The following APOBEC3D variants were observed in gnomAD, a reference collection of about 807,000 sequenced individuals.
APOBEC3D encodes DNA dC->dU-editing enzyme APOBEC-3D.
In APOBEC3D, 37 loss-of-function variants were observed where a neutral mutation model predicts 45.6. The observed-to-expected ratio is 0.81, with a 90% CI of 0.62 to 1.07. The LOEUF is 1.07. APOBEC3D is among the 50% of genes least tolerant of loss of function. APOBEC3D has a pLI of 0.00. For missense variants in APOBEC3D, 496 were observed against 495.3 expected (o/e 1.00, Z -0.01); for synonymous variants, 175 against 180.7 (o/e 0.97, Z 0.25).
intron 5 of APOBEC3D, 49 bp downstream of exon 5, chr22:39,029,568 G>A (rs1569059706): frequency 1.9e-6 from 3 of 1,607,272 alleles, no homozygotes; most frequent in Admixed American, 3.4e-5. Flanking sequence ...AAGCAGCTGG[G>A]AACGCAGAAA....
chr22:39,029,333 T>G (rs1925976415), intron 4 of APOBEC3D, 30 bp from the exon 5 acceptor site: 1 of 1,612,972 alleles, frequency 6.2e-7, no homozygotes, highest in Non-Finnish European at 8.5e-7. Context: ...GAGGAATCTC[T>G]GCACTGGGGT....
chr22:39,031,666 C>T (rs1463091596), intron 5 of APOBEC3D, 28 bp from the exon 6 acceptor site: 2 of 1,610,536 alleles, frequency 1.2e-6, no homozygotes, highest in Non-Finnish European at 1.7e-6. Flanking sequence ...TCTGAGCTCC[C>T]CCTGCCCTCC....
chr22:39,025,509 GC>G (rs1457541634), intron 3 of APOBEC3D, 47 bp from the exon 4 acceptor site: 1 of 1,613,994 alleles, frequency 6.2e-7, no homozygotes. Context: ...GGGAGGGCAG[GC>G]CCAGGGTCAG....
rs771300402 is a variant in APOBEC3D at position 39,032,210 on chromosome 22, G to C, written c.1055G>C (p.Cys352Ser). ...GTTTTTTTCTCAGATTTTGTATCTT[G>C]TTGGAAAAACTTTGTGTACAGTGAT... ...KIMGYKDFVS[C>S]WKNFVYSDDE... is the part of the protein sequence containing the mutation. Residue 352 changes from cysteine to serine, a missense_variant, in exon 7 of 7, where the codon TGT (cysteine) becomes TCT (serine). By Grantham distance (112) the Cys-to-Ser change is moderately radical (BLOSUM62 -1). Coordinates refer to ENST00000216099, the MANE Select transcript of APOBEC3D (RefSeq NM_152426.4). The C allele has an allele frequency of 3.1e-6, 5 of 1,613,962 alleles. No individual in the cohort carries two copies. Among genetic ancestry groups the C allele is most frequent in the Non-Finnish European group, 3.4e-6 (4 of 1,179,934 alleles).
rs1225083230 is a variant in APOBEC3D, at chr22:39,022,902, C to G, written c.98C>G (p.Thr33Ser). The change falls in exon 2 of 7, where the codon ACT becomes AGT. Residue 33 changes from threonine to serine, a missense_variant. Transcript: ENST00000216099. ...CCCATCCTCTATGGTCGGAGCTACA[C>G]TTGGCTGTGCTATGAAGTGAAAATA... ...NEPILYGRSY[T>S]WLCYEVKIKR... The G allele has an allele frequency of 1.9e-6, 3 of 1,613,694 alleles. No individual in the cohort carries two copies. Among genetic ancestry groups the G allele is most frequent in the Non-Finnish European group, 2.5e-6 (3 of 1,179,998 alleles).
chr22:39,024,541 A>G (rs1487684662), intron 2 of APOBEC3D, among the ~76,000 whole-genome samples: 1 of 152,166 alleles, frequency 6.6e-6, no homozygotes, highest in Non-Finnish European at 1.5e-5. Context: ...GTGAACAGAA[A>G]TGTGTTGGCT....
At chr22:39,022,395 C>G (rs116094242) in intron 1 of APOBEC3D, among the ~76,000 whole-genome samples, 3,072 of 152,322 alleles carry the variant, frequency 0.02, 111 homozygotes, top group African/African-American at 0.069. Flanking sequence ...GAAGAGAGGC[C>G]TGGGCCTCAG....
chr22:39,028,163 C>T (rs571255555), intron 4 of APOBEC3D, among the ~76,000 whole-genome samples: 61 of 152,286 alleles, frequency 4.0e-4, no homozygotes, highest in South Asian at 2.3e-3. Context: ...AGGATGCACA[C>T]GACCCCAGAC....
At chr22:39,028,662 G>GCGC (rs1237039906) in intron 4 of APOBEC3D, among the ~76,000 whole-genome samples, 1 of 152,192 alleles carries the variant, frequency 6.6e-6, no homozygotes, top group Admixed American at 6.5e-5. Context: ...AGGGCCAGGC[G>GCGC]CGGTGGCTCA....
In APOBEC3D at chr22:39,032,230, A is replaced by G. The variant is rs1926296611; in HGVS notation, c.1075A>G (p.Ser359Gly). The G allele has an allele frequency of 6.8e-6, 11 of 1,614,142 alleles. No homozygotes were observed. Among genetic ancestry groups the G allele is most frequent in the Non-Finnish European group, 9.3e-6 (11 of 1,180,018 alleles). The change falls in exon 7 of 7, where the codon AGT becomes GGT. Residue 359 changes from serine (S) to glycine (G), a missense_variant. Transcript: ENST00000216099. ...FVSCWKNFVYSDDEPFKPWKG... is the reference protein window; with the variant it reads ...FVSCWKNFVYGDDEPFKPWKG... ...ATCTTGTTGGAAAAACTTTGTGTAC[A>G]GTGATGATGAGCCATTCAAGCCTTG...
rs5995657 is a variant in APOBEC3D at position 39,021,649 on chromosome 22, C to T, written c.17+113C>T. ...CCAGCCCCAGCCCTGGACTTCCTTC[C>T]CTCTGGCTTCCCTGCCGCCCCCACT... is the stretch of plus-strand genomic sequence containing the variant. On this transcript the variant is annotated intron_variant, in intron 1 of 6. Coordinates refer to ENST00000216099, the MANE Select transcript of APOBEC3D (RefSeq NM_152426.4). 202 of 1,461,568 alleles carry T rather than the reference C, an allele frequency of 1.4e-4. No individual in the cohort carries two copies. The African/African-American group carries it at 2.4e-3, about 17-fold the overall frequency. The allele number at this position is 1,461,568 out of a possible 1,614,324, so 90.5% of individuals were successfully genotyped here. A position where few individuals can be genotyped will look rare whatever the true frequency, so the allele number is the denominator to read the frequency against.
intron 5 of APOBEC3D, among the ~76,000 whole-genome samples, chr22:39,031,219 C>T (rs1926183238): frequency 6.6e-6 from 1 of 151,850 alleles, no homozygotes; most frequent in South Asian, 2.1e-4. Flanking sequence ...ATAAGGGAAA[C>T]TCAATGAATA....
At chr22:39,027,446 G>A (rs1338159779) in intron 4 of APOBEC3D, among the ~76,000 whole-genome samples, 3 of 152,160 alleles carry the variant, frequency 2.0e-5, no homozygotes, top group African/African-American at 4.8e-5. Flanking sequence ...GGATCCAGGG[G>A]TCCCTCCGGA....
intron 1 of APOBEC3D, 84 bp downstream of exon 1, chr22:39,021,620 TGCCCCA>T: frequency 5.1e-6 from 8 of 1,566,910 alleles, no homozygotes; most frequent in Non-Finnish European, 7.0e-6. Flanking sequence ...GGCCTCCCCC[TGCCCCA>T]GCCCCAGCCC....
rs952092801 is a variant in APOBEC3D at position 39,026,614 on chromosome 22, C to T, written c.605+943C>T. Among the ~76,000 whole-genome samples the T allele has an allele frequency of 3.3e-5, 5 of 152,216 alleles. No homozygotes were observed. The South Asian group carries it at 8.3e-4, about 25-fold the overall frequency. ...GACTCCCACAGCCCCTCCCTCCAGA[C>T]CATGGCTTCCCCACCTAACAGCACC... On this transcript the variant is annotated intron_variant, in intron 4 of 6. Transcript: ENST00000216099.
rs766254846 is a variant in APOBEC3D at position 39,032,347 on chromosome 22, T to C, written c.*31T>C. 6 of 1,611,312 alleles carry C rather than the reference T, an allele frequency of 3.7e-6. No homozygotes were observed. The highest frequency in any genetic ancestry group is 2.7e-5 in the African/African-American group (2 of 74,824). On this transcript the variant is annotated 3_prime_UTR_variant, in exon 7 of 7. Transcript: ENST00000216099. ...CTCCCTGGGCCTCATGGTCTGTCTC[T>C]TCTAGCCTCCTGCTCATGCTGCACG... is the stretch of plus-strand genomic sequence containing the variant.
intron 3 of APOBEC3D, 34 bp from the exon 4 acceptor site, chr22:39,025,523 G>A (rs755602956): frequency 1.6e-5 from 26 of 1,613,994 alleles, no homozygotes; most frequent in East Asian, 2.2e-5. Context: ...AGGGTCAGGG[G>A]AGAGCCTGAG....
At position 39,023,609 on chromosome 22, in the gene APOBEC3D, G is replaced by A. The variant is rs547489741; in HGVS notation, c.210+595G>A. Among the ~76,000 whole-genome samples, 12 of 151,828 alleles carry A rather than the reference G, an allele frequency of 7.9e-5. No individual in the cohort carries two copies. The East Asian group carries it at 1.2e-3, about 15-fold the overall frequency. On this transcript the variant is annotated intron_variant, in intron 2 of 6. Coordinates refer to ENST00000216099, the MANE Select transcript of APOBEC3D (RefSeq NM_152426.4). ...TTACAGGTGCACGCCACCGTGCCCA[G>A]CTAATTTTTTTGTATTTTTAATAGA... is the stretch of plus-strand genomic sequence containing the variant.
At chr22:39,022,125 C>T (rs1603275065) in intron 1 of APOBEC3D, among the ~76,000 whole-genome samples, 2 of 152,306 alleles carry the variant, frequency 1.3e-5, no homozygotes, top group East Asian at 3.9e-4. Flanking sequence ...AGAAAGAACG[C>T]GATGATCAGG....
Sources: gnomAD v4.1 joint callset for allele counts (sites outside exome capture counted in the v4.1 genomes callset) on GRCh38, gnomAD v4.1.1 for gene constraint, MANE v1.5 for transcripts, NCBI Gene and HGNC (gene_info 2026-07-23, HGNC 2026-07-21) for gene names.